Variants in SYT16 observed in about 807,000 individuals in gnomAD.
SYT16 encodes synaptotagmin-16.
A neutral mutation model predicts 61.4 loss-of-function variants in SYT16; 42 were observed. The observed-to-expected ratio is 0.68, with a 90% CI of 0.53 to 0.89. The LOEUF is 0.89. SYT16 is among the 40% of genes least tolerant of loss of function. The pLI is 0.00. For synonymous variants in SYT16, 314 were observed against 302.3 expected, an observed-to-expected ratio of 1.04 and a Z score of -0.40; for missense variants, 804 against 807.3, an observed-to-expected ratio of 1.00 and a Z score of 0.05.
intron 1 of SYT16, among the ~76,000 whole-genome samples, chr14:61,872,215 G>C (rs2047352787): frequency 1.3e-5 from 2 of 151,720 alleles, no homozygotes; most frequent in South Asian, 4.1e-4. Flanking sequence ...CCTTATTTTT[G>C]TTTATTTCTT....
At chr14:61,855,405 C>G (rs374373836) in intron 1 of SYT16, among the ~76,000 whole-genome samples, 1 of 152,150 alleles carries the variant, frequency 6.6e-6, no homozygotes, top group East Asian at 1.9e-4. Context: ...CATAACCTGC[C>G]AAACATCATA....
chr14:61,858,310 G>A (rs2046849406), intron 1 of SYT16, among the ~76,000 whole-genome samples: 1 of 151,884 alleles, frequency 6.6e-6, no homozygotes, highest in Non-Finnish European at 1.5e-5. Context: ...CTCCTTTCCC[G>A]TTAAGCCATT....
chr14:61,947,267 C>CGTGTGTGTGTGTGTGTGTGTGT (rs59798244), intron 1 of SYT16, among the ~76,000 whole-genome samples: 8 of 125,916 alleles, frequency 6.4e-5, no homozygotes, highest in South Asian at 3.0e-4. Flanking sequence ...TTTAGTCCTT[C>CGTGTGTGTGTGTGTGTGTGTGT]GTGTGTGTGT....
At chr14:61,933,574 T>TTGGTC (rs1424922225) in intron 1 of SYT16, among the ~76,000 whole-genome samples, 1 of 152,108 alleles carries the variant, frequency 6.6e-6, no homozygotes, top group Non-Finnish European at 1.5e-5. Context: ...CTTTTCAGAG[T>TTGGTC]TGAGCTGTTC....
chr14:62,018,498 G>A (rs1281755759), intron 3 of SYT16, among the ~76,000 whole-genome samples: 1 of 151,432 alleles, frequency 6.6e-6, no homozygotes, highest in Non-Finnish European at 1.5e-5. Context: ...TAGTAGATGG[G>A]GTTTCACCAT....
chr14:62,099,929 C>G (rs750884513), intron 7 of SYT16, among the ~76,000 whole-genome samples: 1 of 152,158 alleles, frequency 6.6e-6, no homozygotes, highest in African/African-American at 2.4e-5. Flanking sequence ...CATGCACACA[C>G]ACATACACAG....
At chr14:62,092,173 A>AACACACACACACACACACACACACAC (rs56324432) in intron 7 of SYT16, among the ~76,000 whole-genome samples, 1 of 131,322 alleles carries the variant, frequency 7.6e-6, no homozygotes, top group Non-Finnish European at 1.6e-5. Flanking sequence ...TGGCTACTAT[A>AACACACACACACACACACACACACAC]ACACACACAC....
At chr14:61,829,711 A>G (rs2045879015) in intron 1 of SYT16, among the ~76,000 whole-genome samples, 1 of 151,768 alleles carries the variant, frequency 6.6e-6, no homozygotes, top group Non-Finnish European at 1.5e-5. Context: ...CTGGAGTACA[A>G]TGGTGTGATC....
chr14:61,950,514 C>A (rs527816353), intron 1 of SYT16, among the ~76,000 whole-genome samples: 1 of 152,188 alleles, frequency 6.6e-6, no homozygotes, highest in Admixed American at 6.5e-5. Flanking sequence ...CACAGCCCTT[C>A]TGGGTACAGA....
At chr14:61,865,308 G>A in intron 1 of SYT16, 1 of 735,072 alleles carries the variant, frequency 1.4e-6, no homozygotes, top group Non-Finnish European at 2.4e-6. Context: ...CTGAACGCAG[G>A]GATGCGGAGA....
intron 1 of SYT16, among the ~76,000 whole-genome samples, chr14:61,821,938 G>C (rs1211034134): frequency 1.3e-5 from 2 of 152,106 alleles, no homozygotes; most frequent in African/African-American, 2.4e-5. Flanking sequence ...TACTAGTCAG[G>C]GTTCTCCAGA....
chr14:62,054,422 A>G (rs1282966817), intron 3 of SYT16, among the ~76,000 whole-genome samples: 3 of 144,162 alleles, frequency 2.1e-5, no homozygotes, highest in African/African-American at 7.8e-5. Context: ...GTGCAGTGGC[A>G]TGATCATGGC....
At chr14:62,024,723 C>A (rs1331154737) in intron 3 of SYT16, among the ~76,000 whole-genome samples, 1 of 152,078 alleles carries the variant, frequency 6.6e-6, no homozygotes, top group African/African-American at 2.4e-5. Flanking sequence ...TAATATGCAT[C>A]TACCATTTAT....
intron 3 of SYT16, among the ~76,000 whole-genome samples, chr14:62,062,637 T>C (rs942386459): frequency 1.3e-5 from 2 of 152,194 alleles, no homozygotes; most frequent in Non-Finnish European, 2.9e-5. Flanking sequence ...TGGCCGTTTT[T>C]CCTAGGGTCT....
At chr14:61,901,105 C>T (rs952106917) in intron 1 of SYT16, among the ~76,000 whole-genome samples, 1 of 152,222 alleles carries the variant, frequency 6.6e-6, no homozygotes, top group Non-Finnish European at 1.5e-5. Flanking sequence ...CTTCAGGCTT[C>T]CTCAGTGTCT....
At chr14:62,077,970 A>C (rs2056555573) in intron 5 of SYT16, among the ~76,000 whole-genome samples, 1 of 152,122 alleles carries the variant, frequency 6.6e-6, no homozygotes, top group Non-Finnish European at 1.5e-5. Flanking sequence ...AAATATTTTT[A>C]CCTTGGCATT....
chr14:61,868,012 C>G (rs938915078), intron 1 of SYT16, among the ~76,000 whole-genome samples: 4 of 151,976 alleles, frequency 2.6e-5, no homozygotes, highest in Admixed American at 2.6e-4. Context: ...ATAAACTCCA[C>G]TTGTTCTTAT....
chr14:61,974,548 C>T (rs2051701218), intron 2 of SYT16, among the ~76,000 whole-genome samples: 1 of 152,256 alleles, frequency 6.6e-6, no homozygotes, highest in Admixed American at 6.5e-5. Context: ...GAGGTTGATT[C>T]TCCTGGAGTC....
chr14:61,871,227 A>C (rs2047322250), intron 1 of SYT16, among the ~76,000 whole-genome samples: 1 of 152,154 alleles, frequency 6.6e-6, no homozygotes, highest in South Asian at 2.1e-4. Flanking sequence ...TTTTTTGCCC[A>C]CTGGCTAGTG....
Sources: gnomAD v4.1 joint callset for allele counts (sites outside exome capture counted in the v4.1 genomes callset) on GRCh38, gnomAD v4.1.1 for gene constraint, MANE v1.5 for transcripts, NCBI Gene and HGNC (gene_info 2026-07-23, HGNC 2026-07-21) for gene names.